Variants in CDKAL1 observed in about 807,000 individuals in gnomAD.
The protein encoded by CDKAL1 is threonylcarbamoyladenosine tRNA methylthiotransferase.
A neutral mutation model predicts 68.2 loss-of-function variants in CDKAL1; 32 were observed. That is an observed-to-expected ratio of 0.47 (90% confidence interval 0.35 to 0.63). The LOEUF is 0.63. CDKAL1 is among the 30% of genes least tolerant of loss of function. The pLI is 0.00. For synonymous variants in CDKAL1, 234 were observed against 244.3 expected (o/e 0.96, Z 0.39); for missense variants, 606 against 696.7 (o/e 0.87, Z 1.47).
chr6:20,916,906 T>C (rs1257749520), intron 9 of CDKAL1, among the ~76,000 whole-genome samples: 1 of 144,212 alleles, frequency 6.9e-6, no homozygotes, highest in Non-Finnish European at 1.5e-5. Flanking sequence ...TCGGGCGCAG[T>C]GGCTTGAAAG....
At chr6:20,862,746 G>T (rs1759711994) in intron 9 of CDKAL1, among the ~76,000 whole-genome samples, 1 of 152,136 alleles carries the variant, frequency 6.6e-6, no homozygotes, top group Non-Finnish European at 1.5e-5. Context: ...AAACACTGAG[G>T]CCAGGCAAAG....
intron 11 of CDKAL1, among the ~76,000 whole-genome samples, chr6:21,006,963 T>A (rs1420303872): frequency 3.3e-5 from 5 of 152,192 alleles, no homozygotes; most frequent in African/African-American, 1.2e-4. Flanking sequence ...AACATAAAGG[T>A]CCAATCACAT....
At chr6:20,573,267 T>G (rs189671560) in intron 4 of CDKAL1, among the ~76,000 whole-genome samples, 1 of 152,304 alleles carries the variant, frequency 6.6e-6, no homozygotes, top group African/African-American at 2.4e-5. Context: ...ATTTATGTAT[T>G]AAGAATATGT....
intron 8 of CDKAL1, among the ~76,000 whole-genome samples, chr6:20,786,494 C>CTTTTTTTTTTTTTTTTTTTTTT (rs1197574844): frequency 3.7e-5 from 3 of 80,730 alleles, no homozygotes; most frequent in African/African-American, 1.5e-4. Context: ...TTTTTCTTAT[C>CTTTTTTTTTTTTTTTTTTTTTT]TTTTTTTTTT....
chr6:21,058,506 A>G (rs1036772534), intron 11 of CDKAL1, among the ~76,000 whole-genome samples: 4 of 152,168 alleles, frequency 2.6e-5, no homozygotes, highest in Admixed American at 2.6e-4. Context: ...CATTTAGCCC[A>G]TTTACATTTA....
intron 8 of CDKAL1, among the ~76,000 whole-genome samples, chr6:20,835,511 C>CTTGTCTTGTCTT (rs1554128399): frequency 7.0e-6 from 1 of 141,960 alleles, no homozygotes; most frequent in African/African-American, 2.7e-5. Context: ...CTTGTCTTGT[C>CTTGTCTTGTCTT]TTGTCTTGTC....
chr6:20,927,630 A>T (rs1251034136), intron 9 of CDKAL1, among the ~76,000 whole-genome samples: 1 of 152,168 alleles, frequency 6.6e-6, no homozygotes, highest in East Asian at 1.9e-4. Flanking sequence ...CTGATTCTGG[A>T]ATTTAAAAGA....
At chr6:20,589,140 T>C (rs1419027449) in intron 4 of CDKAL1, among the ~76,000 whole-genome samples, 3 of 152,174 alleles carry the variant, frequency 2.0e-5, no homozygotes, top group Non-Finnish European at 2.9e-5. Flanking sequence ...TATTTGCCTT[T>C]TGTTATCAGA....
chr6:21,025,741 AAAG>A (rs1426349465), intron 11 of CDKAL1, among the ~76,000 whole-genome samples: 1 of 152,186 alleles, frequency 6.6e-6, no homozygotes, highest in Non-Finnish European at 1.5e-5. Context: ...TTCTAGCTGT[AAAG>A]AAGTTTATCA....
intron 2 of CDKAL1, among the ~76,000 whole-genome samples, chr6:20,537,091 G>A (rs1209303476): frequency 6.6e-6 from 1 of 152,264 alleles, no homozygotes; most frequent in East Asian, 1.9e-4. Context: ...CCAGGCTGGA[G>A]TGCAGTGGCG....
At chr6:21,225,847 T>C (rs1218945908) in intron 15 of CDKAL1, among the ~76,000 whole-genome samples, 1 of 152,244 alleles carries the variant, frequency 6.6e-6, no homozygotes, top group Non-Finnish European at 1.5e-5. Flanking sequence ...CTGAGGACGT[T>C]TGCGTTTTTC....
At chr6:20,639,428 G>A (rs1172791687) in intron 4 of CDKAL1, among the ~76,000 whole-genome samples, 2 of 152,066 alleles carry the variant, frequency 1.3e-5, no homozygotes, top group Non-Finnish European at 2.9e-5. Flanking sequence ...CTTTGTCAGT[G>A]TCTTCCTATC....
chr6:21,223,800 C>A (rs73389911), intron 15 of CDKAL1, among the ~76,000 whole-genome samples: 7,000 of 152,220 alleles, frequency 0.046, 427 homozygotes, highest in African/African-American at 0.14. Context: ...CATCTGAAGG[C>A]CCTGGAGGCC....
intron 11 of CDKAL1, among the ~76,000 whole-genome samples, chr6:21,061,785 T>C (rs942612127): frequency 6.6e-6 from 1 of 152,188 alleles, no homozygotes; most frequent in African/African-American, 2.4e-5. Context: ...ATAAAATTAA[T>C]GTATAGATCC....
chr6:20,675,818 A>G (rs1347453905), intron 5 of CDKAL1, among the ~76,000 whole-genome samples: 4 of 152,172 alleles, frequency 2.6e-5, no homozygotes, highest in Admixed American at 2.6e-4. Context: ...ACTGTAAAAC[A>G]GCCTCAGGCA....
intron 4 of CDKAL1, among the ~76,000 whole-genome samples, chr6:20,596,974 ACTGT>A (rs1273746378): frequency 6.6e-6 from 1 of 151,980 alleles, no homozygotes; most frequent in Admixed American, 6.5e-5. Context: ...GGCTGCCCCC[ACTGT>A]CTAACCAGGC....
In CDKAL1 at chr6:20,810,627, G is replaced by GGGGT. The variant is rs1343511045; in HGVS notation, c.638+29363_638+29364insGGTG. Among the ~76,000 whole-genome samples the GGGGT allele has an allele frequency of 5.2e-3, 703 of 134,770 alleles. 8 individuals are homozygous for GGGGT. Among genetic ancestry groups the GGGGT allele is most frequent in the African/African-American group, 0.016 (594 of 36,186 alleles). 88.4% of individuals were successfully genotyped at this position (134,770 alleles called of 152,430 possible). A position where few individuals can be genotyped will look rare whatever the true frequency, so the allele number is the denominator to read the frequency against. On this transcript the variant is annotated intron_variant, in intron 8 of 15. Transcript: ENST00000274695. ...AAAAAAGATTATGTGTGTATGTATG[G>GGGGT]GTGTGTGTGTGTGTGTGTGTGTGTG...
intron 7 of CDKAL1, among the ~76,000 whole-genome samples, chr6:20,773,608 C>T (rs897208979): frequency 9.2e-5 from 14 of 151,832 alleles, no homozygotes; most frequent in East Asian, 1.9e-4. Flanking sequence ...AGTGCAGTGG[C>T]GCGATCTCGG....
chr6:20,877,473 G>T (rs555973285), intron 9 of CDKAL1, among the ~76,000 whole-genome samples: 42 of 152,322 alleles, frequency 2.8e-4, no homozygotes, highest in Admixed American at 8.5e-4. Flanking sequence ...TAGGACCAAG[G>T]TATACCTATC....
Sources: allele counts gnomAD v4.1 joint callset (sites outside exome capture counted in the v4.1 genomes callset), GRCh38; gene constraint gnomAD v4.1.1; transcripts MANE v1.5; gene names NCBI Gene and HGNC (gene_info 2026-07-23, HGNC 2026-07-21).